PKHD1: variants seen among roughly 807,000 people sequenced by gnomAD.
PKHD1 encodes the protein fibrocystin.
Under a neutral mutation model 412.0 loss-of-function variants are expected in PKHD1, and 291 were observed. The observed-to-expected ratio is 0.71, with a 90% CI of 0.64 to 0.78. The LOEUF is 0.78. Among genes scored for constraint, PKHD1 ranks in the 30% least tolerant of loss-of-function variants. The probability of loss-of-function intolerance (pLI) is 0.00; values close to 1 mark genes in which losing one functional copy is unlikely to be tolerated. For missense variants in PKHD1, 4,825 were observed against 4,950.7 expected, an observed-to-expected ratio of 0.97 and a Z score of 0.76; for synonymous variants, 1,777 against 1,821.5, an observed-to-expected ratio of 0.98 and a Z score of 0.62.
rs1047521754 is a variant in PKHD1, at chr6:51,615,330, C to A, written c.*3751G>T. ...TAAACATTCAAATCTCTGTATTCTG[C>A]CACTTAATCCACATTTAAGTTTACA... On this transcript the variant is annotated 3_prime_UTR_variant, in exon 67 of 67. Coordinates refer to ENST00000371117, the MANE Select transcript of PKHD1 (RefSeq NM_138694.4). 4.6e-5 allele frequency: 7 copies of A among 152,124 alleles called. No individual in the cohort carries two copies. Among genetic ancestry groups the A allele is most frequent in the Non-Finnish European group, 1.0e-4 (7 of 68,006 alleles). 9.4% of individuals were successfully genotyped at this position (152,124 alleles called of 1,614,324 possible).
intron 7 of PKHD1, among the ~76,000 whole-genome samples, chr6:52,073,006 T>A (rs1416220202): frequency 6.6e-6 from 1 of 152,216 alleles, no homozygotes; most frequent in Non-Finnish European, 1.5e-5. Flanking sequence ...CCAGAAAACA[T>A]TAAAAGCTCT....
chr6:51,789,565 GTGTA>G (rs1430679448), intron 53 of PKHD1, among the ~76,000 whole-genome samples: 1 of 135,060 alleles, frequency 7.4e-6, no homozygotes, highest in African/African-American at 2.6e-5. Flanking sequence ...ATGTGTGCAT[GTGTA>G]TGTATGTGTA....
intron 46 of PKHD1, among the ~76,000 whole-genome samples, chr6:51,872,415 G>GTTT (rs34630629): frequency 1.3e-5 from 2 of 149,046 alleles, no homozygotes; most frequent in African/African-American, 4.9e-5. Context: ...TTGTTTTTTG[G>GTTT]TTTTTTTTTT....
rs767936065 is a variant in PKHD1, at chr6:52,025,610, C to T, written c.4200G>A (p.Ser1400=). Residue 1400 remains serine, a synonymous_variant, in exon 32 of 67, where the codon TCG becomes TCA. Coordinates refer to ENST00000371117, the MANE Select transcript of PKHD1 (RefSeq NM_138694.4). ...CAGTAAGTATGGTCCCACCACATGC[C>T]GAACCCTGCGATGGGAAGATGGCCA... ...RIMAIFPSQG[S]ACGGTILTVR... The T allele has an allele frequency of 3.0e-5, 49 of 1,614,106 alleles. No homozygotes were observed. Among genetic ancestry groups the T allele is most frequent in the South Asian group, 2.1e-4 (19 of 91,070 alleles).
At chr6:51,858,141 C>T (rs946266593) in intron 48 of PKHD1, among the ~76,000 whole-genome samples, 8 of 152,226 alleles carry the variant, frequency 5.3e-5, no homozygotes, top group Admixed American at 3.9e-4. Flanking sequence ...GCAGGAATTC[C>T]CACCATATTT....
At chr6:51,721,833 C>T in intron 60 of PKHD1, 1 of 1,511,856 alleles carries the variant, frequency 6.6e-7, no homozygotes, top group South Asian at 1.3e-5. Context: ...CATCAATCTC[C>T]TCCCAGTCCT....
Position 52,025,467 on chromosome 6 carries a change from T to A in PKHD1, c.4343A>T (p.Glu1448Val). 1 of 1,610,626 alleles carries A rather than the reference T, an allele frequency of 6.2e-7. No individual in the cohort carries two copies. Among genetic ancestry groups the A allele is most frequent in the Non-Finnish European group, 8.5e-7 (1 of 1,177,648 alleles). ...DHTILCQVSL[E>V]GDPLPGASFS... ...GGAAGCTCCAGGCAAGGGGTCACCC[T>A]CCAGGCTAACCTGGCAGAGAATGGT... The change falls in exon 32 of 67, where the codon GAG becomes GTG. Residue 1448 changes from glutamate (E) to valine (V), a missense_variant. Physicochemically the swap from Glu to Val is moderately radical, Grantham distance 121. Coordinates refer to ENST00000371117, the MANE Select transcript of PKHD1 (RefSeq NM_138694.4).
At chr6:51,944,818 A>G (rs1366631376) in intron 36 of PKHD1, among the ~76,000 whole-genome samples, 1 of 152,232 alleles carries the variant, frequency 6.6e-6, no homozygotes, top group African/African-American at 2.4e-5. Context: ...CCGGGTGATT[A>G]TATCTACAAC....
chr6:51,771,831 AT>A (rs1250961494), intron 55 of PKHD1, among the ~76,000 whole-genome samples: 1 of 152,102 alleles, frequency 6.6e-6, no homozygotes, highest in Admixed American at 6.6e-5. Flanking sequence ...TGGTCACAAT[AT>A]TTTTTTCCTT....
intron 43 of PKHD1, among the ~76,000 whole-genome samples, chr6:51,897,070 C>T (rs1243842199): frequency 1.3e-5 from 2 of 151,426 alleles, no homozygotes; most frequent in Admixed American, 6.6e-5. Flanking sequence ...GAGAATGGAA[C>T]CAAGTTGGAA....
intron 37 of PKHD1, among the ~76,000 whole-genome samples, chr6:51,915,050 C>T (rs947952493): frequency 4.6e-5 from 7 of 152,162 alleles, no homozygotes; most frequent in South Asian, 4.1e-4. Context: ...TTTATTTGAG[C>T]TGCTTTGTGT....
intron 35 of PKHD1, among the ~76,000 whole-genome samples, chr6:51,986,932 A>G (rs371652553): frequency 6.6e-6 from 1 of 152,356 alleles, no homozygotes. Flanking sequence ...TACCTCTGGC[A>G]CACACATAAT....
At position 52,056,936 on chromosome 6, in the gene PKHD1, T is replaced by G; in HGVS notation, c.1556A>C (p.Asp519Ala). ...SGRGNFFLTW[D>A]NVSSQPIPAN... ...AGGGATTGGCTGACTAGAGACATTG[T>G]CCCAAGTAAGGAAGAAGTTTCCTCT... The change falls in exon 17 of 67, where the codon GAC becomes GCC. Residue 519 changes from aspartate (D) to alanine (A), a missense_variant. Physicochemically the swap from Asp to Ala is moderately radical, Grantham distance 126 (BLOSUM62 -2). Transcript: ENST00000371117. 1.2e-6 allele frequency: 2 copies of G among 1,613,978 alleles called. No homozygotes were observed. Among genetic ancestry groups the G allele is most frequent in the Non-Finnish European group, 1.7e-6 (2 of 1,179,896 alleles).
At chr6:51,762,746 G>A (rs1047958591) in intron 55 of PKHD1, among the ~76,000 whole-genome samples, 1 of 151,496 alleles carries the variant, frequency 6.6e-6, no homozygotes, top group African/African-American at 2.4e-5. Context: ...ATATTAGAAA[G>A]ACAAAGACTT....
At chr6:52,071,621 A>AT (rs1400304303) in intron 8 of PKHD1, among the ~76,000 whole-genome samples, 2 of 152,064 alleles carry the variant, frequency 1.3e-5, no homozygotes, top group Non-Finnish European at 2.9e-5. Flanking sequence ...ATTTTTTATT[A>AT]TTTTTACCTT....
At chr6:52,027,933 CAGAG>C (rs781071397) in intron 30 of PKHD1, 37 bp from the exon 31 acceptor site, 2 of 1,502,632 alleles carry the variant, frequency 1.3e-6, no homozygotes, top group Non-Finnish European at 1.9e-6. Context: ...AAATAACTGA[CAGAG>C]AGAGATAAGA....
At chr6:52,002,712 G>T (rs1161680629) in intron 35 of PKHD1, among the ~76,000 whole-genome samples, 1 of 152,138 alleles carries the variant, frequency 6.6e-6, no homozygotes, top group Non-Finnish European at 1.5e-5. Context: ...GGAGGGAAGG[G>T]GAGGGAAGAC....
chr6:52,000,107 T>C (rs1166159044), intron 35 of PKHD1, among the ~76,000 whole-genome samples: 1 of 152,238 alleles, frequency 6.6e-6, no homozygotes, highest in Admixed American at 6.5e-5. Flanking sequence ...AATATACTGA[T>C]AAAATAACAT....
intron 60 of PKHD1, among the ~76,000 whole-genome samples, chr6:51,724,468 T>G (rs941481361): frequency 6.6e-6 from 1 of 152,142 alleles, no homozygotes; most frequent in Admixed American, 6.6e-5. Flanking sequence ...CATTAATAAA[T>G]TTGCATGCCG....
Sources: gnomAD v4.1 joint callset for allele counts (sites outside exome capture counted in the v4.1 genomes callset) on GRCh38, gnomAD v4.1.1 for gene constraint, MANE v1.5 for transcripts, NCBI Gene and HGNC (gene_info 2026-07-23, HGNC 2026-07-21) for gene names.